Variants in CACNA2D3 observed in about 807,000 individuals in gnomAD.
CACNA2D3 encodes the protein voltage-dependent calcium channel subunit alpha-2/delta-3.
A neutral mutation model predicts 160.6 loss-of-function variants in CACNA2D3; 60 were observed. That is an observed-to-expected ratio of 0.37 (90% CI 0.30 to 0.46). The LOEUF is 0.46. Among genes scored for constraint, CACNA2D3 ranks in the 20% least tolerant of loss-of-function variants. The pLI is 1.00. For missense variants in CACNA2D3, 1,205 were observed against 1,365.0 expected (o/e 0.88, Z 1.85); for synonymous variants, 558 against 492.9 (o/e 1.13, Z -1.75).
At position 54,811,489 on chromosome 3, in the gene CACNA2D3, T is replaced by A. The variant is rs1212887914; in HGVS notation, c.1381-5364T>A. 1.4e-3 allele frequency among the ~76,000 whole-genome samples: 172 copies of A among 122,292 alleles called. 8 individuals are homozygous for A. The highest frequency in any genetic ancestry group is 3.2e-3 in the African/African-American group (95 of 29,786). 80.2% of individuals were successfully genotyped at this position (122,292 alleles called of 152,430 possible). A position where few individuals can be genotyped will look rare whatever the true frequency, so the allele number is the denominator to read the frequency against. On this transcript the variant is annotated intron_variant, in intron 13 of 37. Coordinates refer to ENST00000474759, the MANE Select transcript of CACNA2D3 (RefSeq NM_018398.3). ...TCTTTTTTTTTTTTTTTTTTTTTTT[T>A]TTTTTTTTTTTTTTTTTTTTTTTTT...
At chr3:54,829,885 C>CTTTTTTTTTTTT (rs58291013) in intron 14 of CACNA2D3, among the ~76,000 whole-genome samples, 7 of 64,310 alleles carry the variant, frequency 1.1e-4, no homozygotes, top group Non-Finnish European at 1.4e-4. Context: ...TCTTCTTCAT[C>CTTTTTTTTTTTT]TTTTTTTTTT....
chr3:54,464,002 A>G (rs1044550763), intron 4 of CACNA2D3, among the ~76,000 whole-genome samples: 1 of 152,194 alleles, frequency 6.6e-6, no homozygotes, highest in African/African-American at 2.4e-5. Context: ...CAGGACCCTC[A>G]GCTGCAGGTC....
chr3:54,638,997 G>A (rs866413652), intron 10 of CACNA2D3: 4 of 152,318 alleles, frequency 2.6e-5, no homozygotes, highest in Middle Eastern at 3.4e-3. Flanking sequence ...GTAGAGACAC[G>A]GAGAAGGGGT....
At chr3:54,859,094 G>A (rs1292527063) in intron 17 of CACNA2D3, among the ~76,000 whole-genome samples, 1 of 152,192 alleles carries the variant, frequency 6.6e-6, no homozygotes, top group Non-Finnish European at 1.5e-5. Flanking sequence ...AAGTTCAGTA[G>A]ACCCAACCTC....
intron 11 of CACNA2D3, among the ~76,000 whole-genome samples, chr3:54,648,270 G>T (rs1206908487): frequency 6.6e-6 from 1 of 152,226 alleles, no homozygotes; most frequent in East Asian, 1.9e-4. Context: ...TTCATGGCAT[G>T]AGAACATTAT....
intron 4 of CACNA2D3, among the ~76,000 whole-genome samples, chr3:54,468,201 C>T (rs143665437): frequency 2.7e-4 from 41 of 152,262 alleles, no homozygotes; most frequent in Admixed American, 3.3e-4. Context: ...ACGTAGAAGG[C>T]GGGTGATTTC....
At chr3:54,651,918 A>T (rs1490075130) in intron 11 of CACNA2D3, among the ~76,000 whole-genome samples, 1 of 152,146 alleles carries the variant, frequency 6.6e-6, no homozygotes, top group Non-Finnish European at 1.5e-5. Flanking sequence ...CCCTTCACTC[A>T]TCTTAAGCAA....
intron 27 of CACNA2D3, among the ~76,000 whole-genome samples, chr3:54,958,371 C>T (rs568373904): frequency 4.6e-5 from 7 of 152,194 alleles, no homozygotes; most frequent in Admixed American, 1.3e-4. Flanking sequence ...CCAGCCTGGG[C>T]GACAGAGCAA....
intron 11 of CACNA2D3, among the ~76,000 whole-genome samples, chr3:54,728,091 G>C (rs1363674734): frequency 1.3e-5 from 2 of 152,116 alleles, no homozygotes; most frequent in Admixed American, 6.6e-5. Flanking sequence ...TTTACTTGGA[G>C]TGTGTATATC....
intron 3 of CACNA2D3, among the ~76,000 whole-genome samples, chr3:54,350,039 T>A (rs1698525833): frequency 6.6e-6 from 1 of 152,214 alleles, no homozygotes; most frequent in South Asian, 2.1e-4. Flanking sequence ...GTAGCTAAAT[T>A]AAATTATACC....
chr3:54,959,366 C>T (rs927071327), intron 27 of CACNA2D3, among the ~76,000 whole-genome samples: 7 of 152,266 alleles, frequency 4.6e-5, no homozygotes, highest in Middle Eastern at 3.4e-3. Flanking sequence ...TTGCCATCTC[C>T]GTGCCCTGTA....
chr3:54,700,015 G>A (rs899596826), intron 11 of CACNA2D3, among the ~76,000 whole-genome samples: 1 of 152,186 alleles, frequency 6.6e-6, no homozygotes, highest in African/African-American at 2.4e-5. Flanking sequence ...TACACACAAG[G>A]TTGTCCCTCC....
intron 12 of CACNA2D3, among the ~76,000 whole-genome samples, chr3:54,762,233 T>A (rs1702093696): frequency 6.6e-6 from 1 of 152,148 alleles, no homozygotes; most frequent in Non-Finnish European, 1.5e-5. Context: ...CTACCCTCTC[T>A]CTACCAACTC....
chr3:54,333,137 T>C (rs1020734826), intron 3 of CACNA2D3, among the ~76,000 whole-genome samples: 2 of 152,048 alleles, frequency 1.3e-5, no homozygotes, highest in African/African-American at 2.4e-5. Context: ...CAAGGGGTTT[T>C]TTTTTCCTGC....
In CACNA2D3 at chr3:54,472,173, G is replaced by T. The variant is rs1700745017; in HGVS notation, c.382-31319G>T. Among the ~76,000 whole-genome samples the T allele has an allele frequency of 3.9e-5, 6 of 152,302 alleles. No homozygotes were observed. The South Asian group carries it at 1.2e-3, about 32-fold the overall frequency. On this transcript the variant is annotated intron_variant, in intron 4 of 37. Coordinates refer to ENST00000474759, the MANE Select transcript of CACNA2D3 (RefSeq NM_018398.3). ...ATAAAATACTGGCAAACCAAATCCAGCAGTACATCAAAAAGCTTGTCCAAC... is the reference window on the plus strand; with the variant it reads ...ATAAAATACTGGCAAACCAAATCCATCAGTACATCAAAAAGCTTGTCCAAC...
At chr3:54,981,434 T>A (rs1702505221) in intron 29 of CACNA2D3, among the ~76,000 whole-genome samples, 1 of 152,064 alleles carries the variant, frequency 6.6e-6, no homozygotes, top group Non-Finnish European at 1.5e-5. Flanking sequence ...AGAGGATAAA[T>A]CCTTTACAGA....
intron 4 of CACNA2D3, among the ~76,000 whole-genome samples, chr3:54,400,311 T>G (rs529549662): frequency 6.6e-6 from 1 of 152,048 alleles, no homozygotes; most frequent in South Asian, 2.1e-4. Context: ...TATTCGGCCA[T>G]CTTGGCTCCT....
At chr3:55,065,122 C>T (rs1359860651) in intron 35 of CACNA2D3, among the ~76,000 whole-genome samples, 3 of 152,148 alleles carry the variant, frequency 2.0e-5, no homozygotes, top group African/African-American at 7.2e-5. Flanking sequence ...GTGCCTACTT[C>T]TGTTCTTTTA....
chr3:54,671,038 G>T (rs1161263826), intron 11 of CACNA2D3, among the ~76,000 whole-genome samples: 1 of 152,000 alleles, frequency 6.6e-6, no homozygotes, highest in African/African-American at 2.4e-5. Context: ...TTGTCTAGTG[G>T]AGGTTTACCA....
Sources: allele counts gnomAD v4.1 joint callset (sites outside exome capture counted in the v4.1 genomes callset), GRCh38; gene constraint gnomAD v4.1.1; transcripts MANE v1.5; gene names NCBI Gene and HGNC (gene_info 2026-07-23, HGNC 2026-07-21).